The following TRANK1 variants were observed in gnomAD, a reference collection of about 807,000 sequenced individuals.
The protein encoded by TRANK1 is tetratricopeptide repeat and ankyrin repeat containing 1.
In TRANK1, 198 loss-of-function variants were observed where a neutral mutation model predicts 266.0. The ratio of observed to expected loss-of-function variants is 0.74; its 90% CI spans 0.66 to 0.84. The LOEUF (loss-of-function observed/expected upper bound fraction) is 0.84. TRANK1 is among the 40% of genes least tolerant of loss of function. TRANK1 has a pLI of 0.00. For synonymous variants in TRANK1, 1,396 were observed against 1,384.1 expected (o/e 1.01, Z -0.19); for missense variants, 3,326 against 3,634.6 (o/e 0.92, Z 2.18).
chr3:36,908,730 G>C (rs1219374018), intron 1 of TRANK1, among the ~76,000 whole-genome samples: 1 of 152,180 alleles, frequency 6.6e-6, no homozygotes, highest in African/African-American at 2.4e-5. Flanking sequence ...CCATGCATGA[G>C]ACAACATAAA....
intron 13 of TRANK1, among the ~76,000 whole-genome samples, chr3:36,854,265 C>T (rs551549566): frequency 7.0e-4 from 107 of 152,012 alleles, no homozygotes; most frequent in Admixed American, 1.9e-3. Context: ...GAGGCTGAGG[C>T]AGGAGAATTG....
chr3:36,851,376 T>C (rs1306392798), intron 15 of TRANK1: 1 of 1,035,628 alleles, frequency 9.7e-7, no homozygotes, highest in African/African-American at 1.7e-5. Context: ...CTTGGCTTCA[T>C]CTGTAAGGCT....
At chr3:36,862,069 T>G (rs1385992098) in intron 10 of TRANK1, among the ~76,000 whole-genome samples, 2 of 152,184 alleles carry the variant, frequency 1.3e-5, no homozygotes, top group Non-Finnish European at 2.9e-5. Flanking sequence ...AATAAAAACA[T>G]AGGATGCCAA....
chr3:36,837,078 G>T (rs2078780370), intron 20 of TRANK1, among the ~76,000 whole-genome samples: 1 of 152,194 alleles, frequency 6.6e-6, no homozygotes, highest in South Asian at 2.1e-4. Context: ...GACTAGCAAG[G>T]TTCAAATCAA....
intron 1 of TRANK1, among the ~76,000 whole-genome samples, chr3:36,923,262 T>TC (rs1377797365): frequency 6.6e-6 from 1 of 151,366 alleles, no homozygotes; most frequent in Non-Finnish European, 1.5e-5. Context: ...GTAAATTTTT[T>TC]TTTTTTTTTT....
At position 36,832,551 on chromosome 3, in the gene TRANK1, C is replaced by T. The variant is rs777933055; in HGVS notation, c.7032G>A (p.Pro2344=). 28 of 1,613,836 alleles carry T rather than the reference C, an allele frequency of 1.7e-5. No homozygotes were observed. Among genetic ancestry groups the T allele is most frequent in the South Asian group, 2.2e-5 (2 of 91,086 alleles). Residue 2344 remains proline, a synonymous_variant, in exon 22 of 24, where the codon CCG becomes CCA. Transcript: ENST00000645898. ...GGTGGAGCAGCTTTTCAAACTCCTC[C>T]GGGTAGTTGGAAGAGAGAAGGAAAG... ...MQAFLLSSNY[P]EEFEKLLHQE...
In TRANK1 at chr3:36,889,978, G is replaced by C. The variant is rs1288669444; in HGVS notation, c.776-18C>G. The C allele has an allele frequency of 2.6e-6, 4 of 1,535,380 alleles. No homozygotes were observed. The highest frequency in any genetic ancestry group is 3.5e-6 in the Non-Finnish European group (4 of 1,146,122). On this transcript the variant is annotated intron_variant, in intron 7 of 23. Coordinates refer to ENST00000645898, the MANE Select transcript of TRANK1 (RefSeq NM_001329998.2). Reference sequence around the variant, plus strand: ...GTTTTCTCCTGAAGGGAATTAAAATGACTTACTAATGTTTTCCACATACAG... The same window carrying C: ...GTTTTCTCCTGAAGGGAATTAAAATCACTTACTAATGTTTTCCACATACAG...
chr3:36,874,325 T>G lies in TRANK1; in HGVS notation c.908-29A>C, dbSNP rs777709242. On this transcript the variant is annotated intron_variant, in intron 8 of 23. Coordinates refer to ENST00000645898, the MANE Select transcript of TRANK1 (RefSeq NM_001329998.2). ...GGGCAGGCCAAAATGAGAAGGGGTG[T>G]TTGTCATGGTTCCTTCCATAAGATG... 3 of 1,530,254 alleles carry G rather than the reference T, an allele frequency of 2.0e-6. No individual in the cohort carries two copies. In the South Asian group the frequency reaches 3.6e-5, roughly 18 times the overall value. The allele number at this position is 1,530,254 out of a possible 1,614,324, so 94.8% of individuals were successfully genotyped here. A position where few individuals can be genotyped will look rare whatever the true frequency, so the allele number is the denominator to read the frequency against.
At chr3:36,901,394 G>A (rs146975257) in intron 3 of TRANK1, among the ~76,000 whole-genome samples, 17 of 152,158 alleles carry the variant, frequency 1.1e-4, no homozygotes, top group African/African-American at 3.1e-4. Flanking sequence ...CTTCCACTAC[G>A]TTCCCACATA....
At chr3:36,917,685 C>T (rs2080145411) in intron 1 of TRANK1, among the ~76,000 whole-genome samples, 1 of 152,172 alleles carries the variant, frequency 6.6e-6, no homozygotes, top group African/African-American at 2.4e-5. Flanking sequence ...AAACTTGGGG[C>T]TACCTCTGTA....
Position 36,855,276 on chromosome 3 carries a change from G to A in TRANK1, c.4446C>T (p.Arg1482=), listed in dbSNP as rs756703706. Residue 1482 remains arginine, a synonymous_variant, in exon 13 of 24, where the codon CGC becomes CGT. Coordinates refer to ENST00000645898, the MANE Select transcript of TRANK1 (RefSeq NM_001329998.2). ...KGVAFRFSDL[R]SLFHYASRNT... is the part of the protein sequence containing the mutation. ...TTCTGCTGGCATAATGGAACAGAGA[G>A]CGCAGATCGCTGAAGCGGAAGGCCA... 30 of 1,613,944 alleles carry A rather than the reference G, an allele frequency of 1.9e-5. No homozygotes were observed. Among genetic ancestry groups the A allele is most frequent in the Non-Finnish European group, 1.9e-5 (23 of 1,179,916 alleles).
intron 18 of TRANK1, among the ~76,000 whole-genome samples, chr3:36,841,753 A>G (rs545569260): frequency 6.6e-6 from 1 of 152,344 alleles, no homozygotes; most frequent in South Asian, 2.1e-4. Flanking sequence ...TGGAACTGCC[A>G]CAGGAGCCAT....
chr3:36,850,676 G>T, intron 15 of TRANK1: 1 of 909,152 alleles, frequency 1.1e-6, no homozygotes, highest in Non-Finnish European at 1.3e-6. Flanking sequence ...AGGGTTGGTG[G>T]AGTGAGACAA....
In TRANK1 at chr3:36,919,434, C is replaced by T. The variant is rs114989281; in HGVS notation, c.24-10980G>A. ...TAAAGATTATCCATGTGAGACTCAA[C>T]TATATTGTTGTATATATCAGTAACT... On this transcript the variant is annotated intron_variant, in intron 1 of 23. Coordinates refer to ENST00000645898, the MANE Select transcript of TRANK1 (RefSeq NM_001329998.2). Among the ~76,000 whole-genome samples the T allele has an allele frequency of 9.6e-3, 1,457 of 152,346 alleles. 16 individuals are homozygous for T. Among genetic ancestry groups the T allele is most frequent in the Non-Finnish European group, 0.015 (996 of 68,028 alleles).
At chr3:36,893,123 C>T (rs914635321) in intron 5 of TRANK1, 139 bp from the exon 6 acceptor site, 3 of 347,882 alleles carry the variant, frequency 8.6e-6, no homozygotes, top group Non-Finnish European at 1.5e-5. Flanking sequence ...AAAGTGCTTG[C>T]CAAGTTTTTC....
intron 8 of TRANK1, among the ~76,000 whole-genome samples, chr3:36,878,755 C>T (rs539612075): frequency 2.1e-4 from 32 of 150,050 alleles, no homozygotes; most frequent in Middle Eastern, 3.4e-3. Context: ...AGTACCCCCC[C>T]CGAACCTAAA....
At position 36,923,299 on chromosome 3, in the gene TRANK1, A is replaced by G. The variant is rs1431031480; in HGVS notation, c.24-14845T>C. On this transcript the variant is annotated intron_variant, in intron 1 of 23. Coordinates refer to ENST00000645898, the MANE Select transcript of TRANK1 (RefSeq NM_001329998.2). ...AGGTGGAGTCCCGCTCCAGTTGTGCAGGCTGGATTGCAGTGATACAATCTC... is the reference window on the plus strand; with the variant it reads ...AGGTGGAGTCCCGCTCCAGTTGTGCGGGCTGGATTGCAGTGATACAATCTC... 1.2e-4 allele frequency among the ~76,000 whole-genome samples: 17 copies of G among 144,534 alleles called. No homozygotes were observed. In the Admixed American group the frequency reaches 1.2e-3, roughly 10 times the overall value. 94.8% of individuals were successfully genotyped at this position (144,534 alleles called of 152,430 possible).
intron 1 of TRANK1, among the ~76,000 whole-genome samples, chr3:36,941,655 T>C (rs1435698456): frequency 1.3e-5 from 2 of 152,238 alleles, no homozygotes; most frequent in African/African-American, 4.8e-5. Context: ...CAAAGATGCC[T>C]GTTTATCTGG....
In TRANK1 at chr3:36,828,256, G is replaced by C. The variant is rs759884785; in HGVS notation, c.*19C>G. 18 of 1,571,266 alleles carry C rather than the reference G, an allele frequency of 1.1e-5. No individual in the cohort carries two copies. The South Asian group carries it at 1.9e-4, about 17-fold the overall frequency. ...AATGGAATGTTCCGAAGGATGAGGA[G>C]GCTGCAGCTGTGTGGACATTAGTAT... On this transcript the variant is annotated 3_prime_UTR_variant, in exon 24 of 24. Transcript: ENST00000645898.
Sources: allele counts gnomAD v4.1 joint callset (sites outside exome capture counted in the v4.1 genomes callset), GRCh38; gene constraint gnomAD v4.1.1; transcripts MANE v1.5; gene names NCBI Gene and HGNC (gene_info 2026-07-23, HGNC 2026-07-21).